The following UNC13C variants were observed in gnomAD, a reference collection of about 807,000 sequenced individuals.
The protein encoded by UNC13C is protein unc-13 homolog C.
UNC13C carries 174 observed loss-of-function variants against 245.4 expected under a neutral mutation model. The observed-to-expected ratio is 0.71, with a 90% CI of 0.63 to 0.80. UNC13C has a LOEUF of 0.80. UNC13C is among the 30% of genes least tolerant of loss of function. UNC13C has a pLI of 0.00. For missense variants in UNC13C, 2,829 were observed against 2,602.9 expected (o/e 1.09, Z -1.89); for synonymous variants, 992 against 895.1 (o/e 1.11, Z -1.93).
At chr15:53,925,480 C>G in the UNC13C span, among the ~76,000 whole-genome samples, 2 of 152,112 alleles carry the variant, frequency 1.3e-5, no homozygotes, top group African/African-American at 4.8e-5. Context: ...GGAAGGACTT[C>G]TGAGGTGAGA....
chr15:54,167,216 G>T (rs1224675795), intron 4 of UNC13C, among the ~76,000 whole-genome samples: 1 of 152,054 alleles, frequency 6.6e-6, no homozygotes, highest in African/African-American at 2.4e-5. Flanking sequence ...TAGGAAAAGA[G>T]ACGGGGCCGG....
intron 4 of UNC13C, among the ~76,000 whole-genome samples, chr15:54,213,992 C>T (rs1246818459): frequency 6.6e-6 from 1 of 151,944 alleles, no homozygotes; most frequent in Non-Finnish European, 1.5e-5. Flanking sequence ...AATTGATGGT[C>T]AGAGAAACTT....
the UNC13C span, among the ~76,000 whole-genome samples, chr15:53,885,883 C>T: frequency 6.6e-6 from 1 of 152,102 alleles, no homozygotes; most frequent in African/African-American, 2.4e-5. Context: ...GTCCTGTACT[C>T]TCATTAATAA....
chr15:54,386,251 G>A (rs1219676672), intron 17 of UNC13C, among the ~76,000 whole-genome samples: 2 of 152,150 alleles, frequency 1.3e-5, no homozygotes, highest in South Asian at 2.1e-4. Flanking sequence ...GATGATAATG[G>A]TATTTGACTT....
At chr15:54,049,161 A>C in intron 2 of UNC13C, 1 of 418,114 alleles carries the variant, frequency 2.4e-6, no homozygotes, top group South Asian at 2.1e-5. Context: ...TCCATCATCT[A>C]ATAGTTTTCC....
At chr15:54,334,069 C>G (rs2038511651) in intron 16 of UNC13C, among the ~76,000 whole-genome samples, 1 of 152,076 alleles carries the variant, frequency 6.6e-6, no homozygotes, top group South Asian at 2.1e-4. Context: ...ATACATTTGG[C>G]TCTAATTTAG....
intron 8 of UNC13C, among the ~76,000 whole-genome samples, chr15:54,263,085 C>T (rs1469034557): frequency 1.3e-5 from 2 of 151,958 alleles, no homozygotes; most frequent in Non-Finnish European, 2.9e-5. Context: ...ATTAGTATGC[C>T]TATCTCAGAA....
At position 54,493,086 on chromosome 15, in the gene UNC13C, C is replaced by T. The variant is rs188144145; in HGVS notation, c.4934-1522C>T. 7.2e-5 allele frequency among the ~76,000 whole-genome samples: 11 copies of T among 152,232 alleles called. No individual in the cohort carries two copies. In the East Asian group the frequency reaches 1.5e-3, roughly 21 times the overall value. On this transcript the variant is annotated intron_variant, in intron 19 of 32. Transcript: ENST00000260323. ...TGAACCTTCTAAATTCATCAGTCCC[C>T]GAGCGAAGGTCTCCATGATCTGGGT...
intron 4 of UNC13C, among the ~76,000 whole-genome samples, chr15:54,169,303 G>C (rs1026378488): frequency 6.6e-6 from 1 of 152,134 alleles, no homozygotes; most frequent in Non-Finnish European, 1.5e-5. Flanking sequence ...ATTTCTCTTA[G>C]TCATTTTGAA....
rs564346120 is a variant in UNC13C, at chr15:54,490,799, C to T, written c.4934-3809C>T. 2.6e-5 allele frequency among the ~76,000 whole-genome samples: 4 copies of T among 152,122 alleles called. No individual in the cohort carries two copies. The East Asian group carries it at 7.7e-4, about 29-fold the overall frequency. The stretch of plus-strand genomic sequence containing the variant: ...ATAGTTACATAATTTTGCGGACATG[C>T]ACACATCTTAAATAGTATCCCATTT... On this transcript the variant is annotated intron_variant, in intron 19 of 32. Coordinates refer to ENST00000260323, the MANE Select transcript of UNC13C (RefSeq NM_001080534.3).
chr15:54,185,343 C>T (rs1268090705), intron 4 of UNC13C, among the ~76,000 whole-genome samples: 3 of 151,888 alleles, frequency 2.0e-5, no homozygotes, highest in Non-Finnish European at 4.4e-5. Flanking sequence ...GAAGTCCTTG[C>T]CCATGCCTAT....
intron 2 of UNC13C, among the ~76,000 whole-genome samples, chr15:54,026,468 C>T (rs969393166): frequency 4.6e-5 from 7 of 152,264 alleles, no homozygotes; most frequent in South Asian, 2.1e-4. Context: ...TTTGGGACTG[C>T]GTCAAGGGTA....
Position 54,033,858 on chromosome 15 carries a change from C to A in UNC13C, c.2983+17972C>A, listed in dbSNP as rs143920855. On this transcript the variant is annotated intron_variant, in intron 2 of 32. Coordinates refer to ENST00000260323, the MANE Select transcript of UNC13C (RefSeq NM_001080534.3). ...CATAGGAGATCTGTATGTCCTTTCACTCTTCATTTCTGTGGGCTAGAAGAA... is the reference window on the plus strand; with the variant it reads ...CATAGGAGATCTGTATGTCCTTTCAATCTTCATTTCTGTGGGCTAGAAGAA... 1.2e-3 allele frequency among the ~76,000 whole-genome samples: 187 copies of A among 152,300 alleles called. 1 individual carries two copies. The highest frequency in any genetic ancestry group is 4.4e-3 in the African/African-American group (183 of 41,556).
chr15:54,437,309 T>A (rs1890271475), intron 19 of UNC13C, among the ~76,000 whole-genome samples: 1 of 151,972 alleles, frequency 6.6e-6, no homozygotes, highest in South Asian at 2.1e-4. Flanking sequence ...AAGCTTTACA[T>A]ACATATTCAA....
chr15:54,126,679 C>G (rs772612255), intron 2 of UNC13C, among the ~76,000 whole-genome samples: 1 of 152,048 alleles, frequency 6.6e-6, no homozygotes. Context: ...ACACCAAAAG[C>G]GATGGCAACA....
rs199546727 is a variant in UNC13C at position 54,015,114 on chromosome 15, A to C, written c.2211A>C (p.Gln737His). ...AACCACAAGGCCAGTGGGTTGGCCAATATGATTCTTATCAGGGAGCTAATT... is the reference window on the plus strand; with the variant it reads ...AACCACAAGGCCAGTGGGTTGGCCACTATGATTCTTATCAGGGAGCTAATT... ...DNEPQGQWVGQYDSYQGANSN... is the reference protein window; with the variant it reads ...DNEPQGQWVGHYDSYQGANSN... The change falls in exon 2 of 33, where the codon CAA becomes CAC. Residue 737 changes from glutamine to histidine, a missense_variant. By Grantham distance (24) the Gln-to-His change is conservative (BLOSUM62 0). Transcript: ENST00000260323. 8.7e-6 allele frequency: 14 copies of C among 1,612,734 alleles called. No individual in the cohort carries two copies. The African/African-American group carries it at 1.3e-4, about 15-fold the overall frequency.
chr15:53,916,322 G>C, the UNC13C span, among the ~76,000 whole-genome samples: 1 of 152,216 alleles, frequency 6.6e-6, no homozygotes, highest in Non-Finnish European at 1.5e-5. Context: ...ATCCATTTGA[G>C]AAGGACATCC....
At chr15:54,282,812 C>T (rs188537398) in intron 10 of UNC13C, among the ~76,000 whole-genome samples, 10 of 152,128 alleles carry the variant, frequency 6.6e-5, no homozygotes, top group Admixed American at 2.0e-4. Flanking sequence ...CAGCTCTCAG[C>T]GGAGAGGGGA....
rs75893126 is a variant in UNC13C at position 54,338,109 on chromosome 15, A to C, written c.4585-252A>C. On this transcript the variant is annotated intron_variant, in intron 16 of 32. Transcript: ENST00000260323. Reference sequence around the variant, plus strand: ...TTGTTGAATGATGGAATGGAATGAAATCAATGCATGAAGTACTAACTGGTC... The same window carrying C: ...TTGTTGAATGATGGAATGGAATGAACTCAATGCATGAAGTACTAACTGGTC... 5.7e-3 allele frequency among the ~76,000 whole-genome samples: 861 copies of C among 152,298 alleles called. 4 individuals are homozygous for C. The highest frequency in any genetic ancestry group is 0.02 in the African/African-American group (821 of 41,564).
Sources: gnomAD v4.1 joint callset for allele counts (sites outside exome capture counted in the v4.1 genomes callset) on GRCh38, gnomAD v4.1.1 for gene constraint, MANE v1.5 for transcripts, NCBI Gene and HGNC (gene_info 2026-07-23, HGNC 2026-07-21) for gene names.